XKR6: variants seen among roughly 807,000 people sequenced by gnomAD.
XKR6 encodes XK related 6.
Under a neutral mutation model 56.7 loss-of-function variants are expected in XKR6, and 22 were observed. The ratio of observed to expected loss-of-function variants is 0.39; its 90% CI spans 0.28 to 0.55. The LOEUF (loss-of-function observed/expected upper bound fraction) is 0.55, where lower values mean the gene tolerates loss of function less well. Ranked by LOEUF, XKR6 falls within the 20% of genes least tolerant of loss-of-function variation. The pLI is 0.66. For missense variants in XKR6, 852 were observed against 889.0 expected (o/e 0.96, Z 0.53); for synonymous variants, 524 against 387.8 (o/e 1.35, Z -4.13).
At chr8:11,025,746 G>A (rs113255148) in intron 1 of XKR6, among the ~76,000 whole-genome samples, 2 of 152,186 alleles carry the variant, frequency 1.3e-5, no homozygotes, top group African/African-American at 4.8e-5. Flanking sequence ...CAAATAGAGT[G>A]TGAGCTGGAT....
At chr8:11,125,581 C>A (rs1799735201) in intron 1 of XKR6, among the ~76,000 whole-genome samples, 1 of 152,166 alleles carries the variant, frequency 6.6e-6, no homozygotes, top group African/African-American at 2.4e-5. Context: ...TCATGGCTTC[C>A]TGAGACCTAT....
At chr8:11,074,869 A>G (rs1800230078) in intron 1 of XKR6, among the ~76,000 whole-genome samples, 1 of 152,208 alleles carries the variant, frequency 6.6e-6, no homozygotes, top group Non-Finnish European at 1.5e-5. Context: ...AGGATGAGCA[A>G]AACAGCACTG....
At chr8:11,089,766 A>G (rs946747555) in intron 1 of XKR6, among the ~76,000 whole-genome samples, 2 of 152,254 alleles carry the variant, frequency 1.3e-5, no homozygotes, top group African/African-American at 4.8e-5. Context: ...CAAGAAATAA[A>G]TTACTTAATG....
At chr8:10,976,924 T>C (rs962112917) in intron 1 of XKR6, among the ~76,000 whole-genome samples, 1 of 151,910 alleles carries the variant, frequency 6.6e-6, no homozygotes, top group Non-Finnish European at 1.5e-5. Flanking sequence ...TCTGTGTAGA[T>C]GCAGGAGGTG....
chr8:11,073,617 C>T (rs1165913127), intron 1 of XKR6, among the ~76,000 whole-genome samples: 1 of 152,178 alleles, frequency 6.6e-6, no homozygotes, highest in Non-Finnish European at 1.5e-5. Context: ...ATCCCAAAGC[C>T]AGTTTTCCTT....
chr8:11,064,672 A>C (rs1334612352), intron 1 of XKR6, among the ~76,000 whole-genome samples: 3 of 152,192 alleles, frequency 2.0e-5, no homozygotes, highest in Admixed American at 6.5e-5. Context: ...TTTTCCCTCC[A>C]GGCATTTATA....
At chr8:11,152,142 A>T (rs1293835524) in intron 1 of XKR6, among the ~76,000 whole-genome samples, 1 of 152,208 alleles carries the variant, frequency 6.6e-6, no homozygotes, top group Non-Finnish European at 1.5e-5. Flanking sequence ...AAATTTTCCC[A>T]GCAGTAAAAA....
chr8:11,162,101 T>C (rs1041054173), intron 1 of XKR6, among the ~76,000 whole-genome samples: 4 of 152,156 alleles, frequency 2.6e-5, no homozygotes, highest in South Asian at 2.1e-4. Flanking sequence ...ATGACCAAGA[T>C]AGAAAGCTTT....
chr8:11,187,883 C>T (rs1803357760), intron 1 of XKR6, among the ~76,000 whole-genome samples: 1 of 152,174 alleles, frequency 6.6e-6, no homozygotes, highest in African/African-American at 2.4e-5. Context: ...TAAAATAAGG[C>T]CCCTACAATC....
chr8:11,062,665 T>A (rs1166468187), intron 1 of XKR6: 1 of 442,276 alleles, frequency 2.3e-6, no homozygotes, highest in East Asian at 7.0e-5. Flanking sequence ...ACATAATTAC[T>A]CTTTAATGTG....
chr8:11,056,396 C>T lies in XKR6; in HGVS notation c.765-131566G>A, dbSNP rs979721612. Among the ~76,000 whole-genome samples, 7 of 152,346 alleles carry T rather than the reference C, an allele frequency of 4.6e-5. 1 individual carries two copies. The South Asian group carries it at 6.2e-4, about 14-fold the overall frequency. ...CCCAGTTGCTCCAGAACGCCGGCAG[C>T]GCACAGGCTCTTCTGAGAACTCCTG... On this transcript the variant is annotated intron_variant, in intron 1 of 2. Coordinates refer to ENST00000416569, the MANE Select transcript of XKR6 (RefSeq NM_173683.4).
chr8:10,942,680 T>C (rs568915003), intron 1 of XKR6, among the ~76,000 whole-genome samples: 62 of 152,200 alleles, frequency 4.1e-4, no homozygotes, highest in African/African-American at 1.3e-3. Flanking sequence ...CTGCCCCCAT[T>C]ATTGAGAACA....
At chr8:11,120,787 T>C (rs1356383461) in intron 1 of XKR6, among the ~76,000 whole-genome samples, 2 of 152,126 alleles carry the variant, frequency 1.3e-5, no homozygotes, top group Non-Finnish European at 2.9e-5. Flanking sequence ...CTTCAAACTA[T>C]ACTACGAGGC....
intron 2 of XKR6, among the ~76,000 whole-genome samples, chr8:10,909,778 T>C (rs959466111): frequency 6.6e-6 from 1 of 152,242 alleles, no homozygotes; most frequent in African/African-American, 2.4e-5. Flanking sequence ...ATTTACTGAA[T>C]GTTTCAGTGC....
chr8:11,100,467 G>A (rs898265700), intron 1 of XKR6, among the ~76,000 whole-genome samples: 1 of 152,194 alleles, frequency 6.6e-6, no homozygotes, highest in Non-Finnish European at 1.5e-5. Context: ...TGTTTAGTAC[G>A]CAATGATTTA....
intron 1 of XKR6, among the ~76,000 whole-genome samples, chr8:10,943,699 G>C (rs1312387191): frequency 6.6e-6 from 1 of 152,186 alleles, no homozygotes; most frequent in Non-Finnish European, 1.5e-5. Context: ...ATCGTCCTCA[G>C]ATGAAGAGAC....
chr8:11,101,265 A>T (rs1217392588), intron 1 of XKR6, among the ~76,000 whole-genome samples: 2 of 152,226 alleles, frequency 1.3e-5, no homozygotes, highest in African/African-American at 4.8e-5. Flanking sequence ...AAGAACCTGA[A>T]TAACAAGAAT....
At chr8:11,057,295 T>C (rs1167638940) in intron 1 of XKR6, among the ~76,000 whole-genome samples, 1 of 152,202 alleles carries the variant, frequency 6.6e-6, no homozygotes, top group Non-Finnish European at 1.5e-5. Context: ...TATTTATTTC[T>C]GGTATTCTCT....
At chr8:11,009,156 T>C (rs1798443120) in intron 1 of XKR6, among the ~76,000 whole-genome samples, 1 of 152,044 alleles carries the variant, frequency 6.6e-6, no homozygotes, top group Non-Finnish European at 1.5e-5. Context: ...AGTCAATCAA[T>C]CAATCAATCA....
Sources: allele counts gnomAD v4.1 joint callset (sites outside exome capture counted in the v4.1 genomes callset), GRCh38; gene constraint gnomAD v4.1.1; transcripts MANE v1.5; gene names NCBI Gene and HGNC (gene_info 2026-07-23, HGNC 2026-07-21).